IL34: variants seen among roughly 807,000 people sequenced by gnomAD.
IL34 encodes interleukin-34.
A neutral mutation model predicts 25.3 loss-of-function variants in IL34; 17 were observed. The observed-to-expected ratio is 0.67, with a 90% CI of 0.46 to 1.01. The LOEUF is 1.01. Among genes scored for constraint, IL34 ranks in the 50% least tolerant of loss-of-function variants. IL34 has a pLI of 0.00. For synonymous variants in IL34, 174 were observed against 140.9 expected, an observed-to-expected ratio of 1.23 and a Z score of -1.66; for missense variants, 368 against 312.9, an observed-to-expected ratio of 1.18 and a Z score of -1.33.
intron 1 of IL34, among the ~76,000 whole-genome samples, chr16:70,581,370 C>T (rs1307909191): frequency 6.6e-6 from 1 of 150,954 alleles, no homozygotes; most frequent in Non-Finnish European, 1.5e-5. Flanking sequence ...ATGAATAATT[C>T]GACTTTTCTG....
At chr16:70,641,545 C>T (rs2051785028) in intron 1 of IL34, among the ~76,000 whole-genome samples, 1 of 143,330 alleles carries the variant, frequency 7.0e-6, no homozygotes, top group African/African-American at 2.6e-5. Flanking sequence ...CCCTTCCTTC[C>T]TTCCTTCCTG....
chr16:70,659,349 C>G (rs1270944457), intron 4 of IL34, among the ~76,000 whole-genome samples: 1 of 152,238 alleles, frequency 6.6e-6, no homozygotes, highest in Non-Finnish European at 1.5e-5. Context: ...CCCCACTTTC[C>G]TCACTGTCCT....
In IL34 at chr16:70,653,280, C is replaced by T. The variant is rs144002843; in HGVS notation, c.29-1258C>T. 2.0e-4 allele frequency among the ~76,000 whole-genome samples: 30 copies of T among 148,082 alleles called. No homozygotes were observed. The East Asian group carries it at 5.2e-3, about 26-fold the overall frequency. ...CTCATCCCAGCTACTCAGGAGGCCA[C>T]GATGGAAGGACCGCTTGACACTAGG... On this transcript the variant is annotated intron_variant, in intron 1 of 5. Transcript: ENST00000288098.
At chr16:70,597,913 C>CTGTA (rs1216590628) in intron 1 of IL34, among the ~76,000 whole-genome samples, 2 of 152,184 alleles carry the variant, frequency 1.3e-5, no homozygotes, top group Non-Finnish European at 2.9e-5. Context: ...TCTTGGCTCA[C>CTGTA]TGTAACCTCT....
At chr16:70,645,645 C>T (rs1452110963), upstream of IL34, among the ~76,000 whole-genome samples, 1 of 152,198 alleles carries the variant, frequency 6.6e-6, no homozygotes, top group Non-Finnish European at 1.5e-5. Flanking sequence ...ACACTTCTTA[C>T]AAGCCGTATG....
At chr16:70,626,849 C>T (rs1195275641) in intron 1 of IL34, among the ~76,000 whole-genome samples, 2 of 152,090 alleles carry the variant, frequency 1.3e-5, no homozygotes, top group Admixed American at 6.5e-5. Flanking sequence ...GCTATTTTAT[C>T]ATAAGCCATT....
At chr16:70,651,945 G>A (rs1362879424) in intron 1 of IL34, among the ~76,000 whole-genome samples, 1 of 151,818 alleles carries the variant, frequency 6.6e-6, no homozygotes, top group East Asian at 1.9e-4. Context: ...CCAACCTGGT[G>A]AAACCCCGTC....
chr16:70,651,557 G>A (rs2052079110), intron 1 of IL34, among the ~76,000 whole-genome samples: 2 of 152,266 alleles, frequency 1.3e-5, no homozygotes, highest in South Asian at 4.1e-4. Flanking sequence ...GTCCTGCAGG[G>A]ACAAAGGCGA....
chr16:70,626,929 C>T (rs1164647830), intron 1 of IL34, among the ~76,000 whole-genome samples: 4 of 152,042 alleles, frequency 2.6e-5, no homozygotes, highest in African/African-American at 9.7e-5. Context: ...CCATTAGTTT[C>T]TCTTTCTGTT....
At chr16:70,586,125 C>T (rs975498409) in intron 1 of IL34, among the ~76,000 whole-genome samples, 4 of 152,152 alleles carry the variant, frequency 2.6e-5, no homozygotes, top group South Asian at 4.1e-4. Flanking sequence ...AGCCACCGCC[C>T]CCAGCCCTGG....
chr16:70,644,910 G>C (rs1031696553), upstream of IL34, among the ~76,000 whole-genome samples: 2 of 117,846 alleles, frequency 1.7e-5, no homozygotes, highest in African/African-American at 7.6e-5. Context: ...AGGAAGAGGA[G>C]GGAGGAGAAG....
intron 1 of IL34, among the ~76,000 whole-genome samples, chr16:70,630,326 C>T (rs952541350): frequency 6.6e-6 from 1 of 152,080 alleles, no homozygotes; most frequent in African/African-American, 2.4e-5. Context: ...CAACATTTGC[C>T]TCCCCAGCGA....
intron 2 of IL34, 61 bp from the exon 3 acceptor site, chr16:70,656,541 T>C (rs1169868218): frequency 1.5e-5 from 13 of 867,202 alleles, no homozygotes; most frequent in Admixed American, 3.4e-5. Context: ...ATTTGGGAGG[T>C]TGGGGAGCCT....
At chr16:70,635,301 C>G (rs985617464) in intron 1 of IL34, among the ~76,000 whole-genome samples, 8 of 152,174 alleles carry the variant, frequency 5.3e-5, no homozygotes, top group Admixed American at 6.5e-5. Flanking sequence ...AGGGGATAAC[C>G]CCTCTGCAGA....
chr16:70,640,957 C>G (rs966261581), intron 1 of IL34, among the ~76,000 whole-genome samples: 5 of 152,022 alleles, frequency 3.3e-5, no homozygotes, highest in African/African-American at 1.2e-4. Flanking sequence ...GGTATATACT[C>G]CTAGGTATAT....
chr16:70,627,863 T>C (rs993718855), intron 1 of IL34, among the ~76,000 whole-genome samples: 3 of 152,210 alleles, frequency 2.0e-5, no homozygotes, highest in Non-Finnish European at 4.4e-5. Context: ...CTCAACATTT[T>C]ATTTGTGAGG....
chr16:70,597,619 A>T (rs1409453985), intron 1 of IL34, among the ~76,000 whole-genome samples: 1 of 152,232 alleles, frequency 6.6e-6, no homozygotes, highest in East Asian at 1.9e-4. Context: ...CATGTTTCAA[A>T]CATATGTATC....
intron 1 of IL34, among the ~76,000 whole-genome samples, chr16:70,636,404 T>A (rs994236967): frequency 6.6e-6 from 1 of 152,194 alleles, no homozygotes; most frequent in Non-Finnish European, 1.5e-5. Context: ...TAACCACATT[T>A]ATTTAAAAAG....
chr16:70,644,936 A>AG (rs1555505678), upstream of IL34, among the ~76,000 whole-genome samples: 32 of 43,792 alleles, frequency 7.3e-4, no homozygotes, highest in African/African-American at 2.8e-3. Flanking sequence ...GGAAGGAGGA[A>AG]GAGGAGGAAG....
Sources: gnomAD v4.1 joint callset for allele counts (sites outside exome capture counted in the v4.1 genomes callset) on GRCh38, gnomAD v4.1.1 for gene constraint, MANE v1.5 for transcripts, NCBI Gene and HGNC (gene_info 2026-07-23, HGNC 2026-07-21) for gene names.